The following TOM1L2 variants were observed in gnomAD, a reference collection of about 807,000 sequenced individuals.
The protein encoded by TOM1L2 is TOM1-like protein 2.
In TOM1L2, 31 loss-of-function variants were observed where a neutral mutation model predicts 67.9. The observed-to-expected ratio is 0.46, with a 90% CI of 0.34 to 0.62. TOM1L2 has a LOEUF of 0.62. Ranked by LOEUF, TOM1L2 falls within the 20% of genes least tolerant of loss-of-function variation. The pLI is 0.01. For missense variants in TOM1L2, 606 were observed against 663.5 expected (o/e 0.91, Z 0.95); for synonymous variants, 256 against 254.0 (o/e 1.01, Z -0.07).
At chr17:17,878,737 C>G (rs1305686887) in intron 7 of TOM1L2, among the ~76,000 whole-genome samples, 1 of 152,234 alleles carries the variant, frequency 6.6e-6, no homozygotes, top group African/African-American at 2.4e-5. Flanking sequence ...CTGACCTGTT[C>G]CCTCAAGCAT....
At chr17:17,848,335 G>A (rs1234616566) in intron 14 of TOM1L2, among the ~76,000 whole-genome samples, 3 of 152,190 alleles carry the variant, frequency 2.0e-5, no homozygotes, top group South Asian at 2.1e-4. Flanking sequence ...GAGGCAGATG[G>A]AGTGGGGCAA....
At chr17:17,924,022 C>CA in intron 1 of TOM1L2, among the ~76,000 whole-genome samples, 1 of 151,910 alleles carries the variant, frequency 6.6e-6, no homozygotes, top group East Asian at 2.0e-4. Flanking sequence ...CCTGTAATCC[C>CA]AGCTACTCGG....
chr17:17,898,541 CCAGGAGCAAGGAG>C, intron 3 of TOM1L2, 42 bp downstream of exon 3: 8 of 1,592,310 alleles, frequency 5.0e-6, no homozygotes, highest in Non-Finnish European at 6.9e-6. Context: ...GGGGGCAAGG[CCAGGAGCAAGGAG>C]TTCCCCAGAT....
intron 3 of TOM1L2, among the ~76,000 whole-genome samples, chr17:17,898,255 GAGA>G (rs1378179922): frequency 6.6e-6 from 1 of 152,138 alleles, no homozygotes; most frequent in African/African-American, 2.4e-5. Context: ...CTGATATCTA[GAGA>G]AGGAGTTGGT....
At position 17,846,140 on chromosome 17, in the gene TOM1L2, TC is replaced by T. The variant is rs1165459660; in HGVS notation, c.*1494del. ...CAACGACCATGTCGCTGGTCTCTTC[TC>T]CCGTCAAGCCCAGCCCCCTTTCCCT... On this transcript the variant is annotated 3_prime_UTR_variant, in exon 15 of 15. Coordinates refer to ENST00000379504, the MANE Select transcript of TOM1L2 (RefSeq NM_001082968.2). The T allele has an allele frequency of 6.6e-6, 1 of 152,240 alleles. No individual in the cohort carries two copies. The highest frequency in any genetic ancestry group is 1.5e-5 in the Non-Finnish European group (1 of 68,088). 9.4% of individuals were successfully genotyped at this position (152,240 alleles called of 1,614,324 possible). A position where few individuals can be genotyped will look rare whatever the true frequency, so the allele number is the denominator to read the frequency against.
At chr17:17,937,448 G>C (rs1438903536) in intron 1 of TOM1L2, among the ~76,000 whole-genome samples, 2 of 152,212 alleles carry the variant, frequency 1.3e-5, no homozygotes, top group African/African-American at 4.8e-5. Context: ...GACTTTCACA[G>C]GTAAGAATGG....
chr17:17,875,537 T>C (rs1319140879), intron 7 of TOM1L2, among the ~76,000 whole-genome samples: 1 of 152,212 alleles, frequency 6.6e-6, no homozygotes, highest in Non-Finnish European at 1.5e-5. Context: ...GGACAGGAAT[T>C]TCCTAAACGC....
chr17:17,961,596 G>A (rs1327122665), intron 1 of TOM1L2, among the ~76,000 whole-genome samples: 1 of 151,636 alleles, frequency 6.6e-6, no homozygotes, highest in African/African-American at 2.4e-5. Context: ...TTGAAGGGCC[G>A]GGCACGGTGG....
chr17:17,945,236 A>C (rs2040890818), intron 1 of TOM1L2, among the ~76,000 whole-genome samples: 1 of 152,016 alleles, frequency 6.6e-6, no homozygotes, highest in Non-Finnish European at 1.5e-5. Context: ...AATTAGGTGG[A>C]AAGAGCCAAA....
At chr17:17,961,063 T>C (rs1295858962) in intron 1 of TOM1L2, among the ~76,000 whole-genome samples, 1 of 152,142 alleles carries the variant, frequency 6.6e-6, no homozygotes, top group Non-Finnish European at 1.5e-5. Context: ...TCAGAATATA[T>C]AGAGAACTCC....
intron 1 of TOM1L2, among the ~76,000 whole-genome samples, chr17:17,971,220 C>T (rs2042064952): frequency 6.6e-6 from 1 of 152,144 alleles, no homozygotes; most frequent in Admixed American, 6.5e-5. Context: ...CAGAGTACTA[C>T]AAAGAATATC....
rs375303274 is a variant in TOM1L2, at chr17:17,847,734, G to C, written c.1425C>G (p.Pro475=). 4.3e-5 allele frequency: 70 copies of C among 1,614,064 alleles called. No individual in the cohort carries two copies. In the East Asian group the frequency reaches 1.5e-3, roughly 34 times the overall value. The part of the protein sequence containing the change: ...EERAKAAEMV[P]DLPSPPMEAP... ...CCTCCATGGGGGGCGAGGGGAGGTC[G>C]GGAACCATTTCAGCAGCTTTGGCTC... Residue 475 remains proline, a synonymous_variant, in exon 15 of 15, where the codon CCC becomes CCG. Coordinates refer to ENST00000379504, the MANE Select transcript of TOM1L2 (RefSeq NM_001082968.2).
intron 7 of TOM1L2, among the ~76,000 whole-genome samples, chr17:17,872,962 C>T (rs1410443527): frequency 6.6e-6 from 1 of 152,208 alleles, no homozygotes; most frequent in East Asian, 1.9e-4. Context: ...TTGTGGGAAA[C>T]AGATCCAAGT....
At chr17:17,848,918 C>T (rs1237791769) in intron 13 of TOM1L2, 59 bp from the exon 14 acceptor site, 1 of 1,594,190 alleles carries the variant, frequency 6.3e-7, no homozygotes, top group Non-Finnish European at 8.6e-7. Context: ...GCCCGCCCAG[C>T]CACCTCTGTC....
chr17:17,873,931 A>G (rs12936037), intron 7 of TOM1L2, among the ~76,000 whole-genome samples: 70,100 of 151,724 alleles, frequency 0.46, 18,762 homozygotes, highest in Non-Finnish European at 0.63. Flanking sequence ...AAAAGGTTCC[A>G]TACTTTATTT....
At chr17:17,957,311 C>A (rs1257371881) in intron 1 of TOM1L2, among the ~76,000 whole-genome samples, 1 of 152,168 alleles carries the variant, frequency 6.6e-6, no homozygotes, top group African/African-American at 2.4e-5. Flanking sequence ...GTAGAGAAAA[C>A]AATGCATATG....
chr17:17,901,956 G>A (rs2038878273), intron 2 of TOM1L2, among the ~76,000 whole-genome samples: 1 of 152,200 alleles, frequency 6.6e-6, no homozygotes, highest in African/African-American at 2.4e-5. Flanking sequence ...GCCCAAGGCA[G>A]GTGGGAGGTC....
chr17:17,937,527 T>C (rs2040556671), intron 1 of TOM1L2, among the ~76,000 whole-genome samples: 1 of 152,220 alleles, frequency 6.6e-6, no homozygotes, highest in East Asian at 1.9e-4. Context: ...GGTTCTTTCC[T>C]GCCTTTTTGT....
chr17:17,912,276 G>A (rs1411088387), intron 1 of TOM1L2, among the ~76,000 whole-genome samples: 3 of 151,570 alleles, frequency 2.0e-5, no homozygotes, highest in African/African-American at 7.3e-5. Flanking sequence ...GGCTGGCCGG[G>A]CGGGGGGCTG....
Sources: allele counts gnomAD v4.1 joint callset (sites outside exome capture counted in the v4.1 genomes callset), GRCh38; gene constraint gnomAD v4.1.1; transcripts MANE v1.5; gene names NCBI Gene and HGNC (gene_info 2026-07-23, HGNC 2026-07-21).